The following PTPN22 variants were observed in gnomAD, a reference collection of about 807,000 sequenced individuals.
The protein encoded by PTPN22 is tyrosine-protein phosphatase non-receptor type 22.
A neutral mutation model predicts 103.3 loss-of-function variants in PTPN22; 85 were observed. That is an observed-to-expected ratio of 0.82 (90% CI 0.69 to 0.99). The LOEUF is 0.99. Among genes scored for constraint, PTPN22 ranks in the 50% least tolerant of loss-of-function variants. The pLI is 0.00. For missense variants in PTPN22, 865 were observed against 936.9 expected, an observed-to-expected ratio of 0.92 and a Z score of 1.00; for synonymous variants, 323 against 310.2, an observed-to-expected ratio of 1.04 and a Z score of -0.43.
At chr1:113,863,863 A>G (rs1016316384) in intron 1 of PTPN22, among the ~76,000 whole-genome samples, 4 of 150,302 alleles carry the variant, frequency 2.7e-5, no homozygotes, top group African/African-American at 9.8e-5. Flanking sequence ...AGAACTAGGT[A>G]TCTTCTTTCT....
intron 18 of PTPN22, chr1:113,828,990 C>CT (rs1485117989): frequency 6.6e-6 from 1 of 152,076 alleles, no homozygotes; most frequent in Non-Finnish European, 1.5e-5. Context: ...TAAGGTGACT[C>CT]TCTTTCATTG....
At chr1:113,828,740 A>G (rs1046372459) in intron 18 of PTPN22, among the ~76,000 whole-genome samples, 2 of 152,142 alleles carry the variant, frequency 1.3e-5, no homozygotes, top group African/African-American at 4.8e-5. Flanking sequence ...GGCTCGACCA[A>G]TCCTCCCACC....
At position 113,852,190 on chromosome 1, in the gene PTPN22, A is replaced by C. The variant is rs527482126; in HGVS notation, c.751-86T>G. 3.2e-5 allele frequency: 32 copies of C among 985,010 alleles called. No individual in the cohort carries two copies. The South Asian group carries it at 4.6e-4, about 14-fold the overall frequency. 61.0% of individuals were successfully genotyped at this position (985,010 alleles called of 1,614,324 possible). A position where few individuals can be genotyped will look rare whatever the true frequency, so the allele number is the denominator to read the frequency against. ...TTTCATAGTCTTGTACTTCCATGGC[A>C]TCTGCTCTTCTAACATGGGGTAATA... On this transcript the variant is annotated intron_variant, in intron 9 of 20. Coordinates refer to ENST00000359785, the Ensembl canonical transcript of PTPN22.
At chr1:113,845,283 G>A (rs12748727) in intron 11 of PTPN22, among the ~76,000 whole-genome samples, 32,772 of 149,640 alleles carry the variant, frequency 0.22, 4,476 homozygotes, top group South Asian at 0.39. Context: ...TGCAACCTCC[G>A]CCTACCAGGT....
At chr1:113,848,501 T>C in intron 11 of PTPN22, 39 bp downstream of exon 11, 6 of 1,608,118 alleles carry the variant, frequency 3.7e-6, no homozygotes, top group Non-Finnish European at 4.2e-6. Flanking sequence ...AAAGCAAGTA[T>C]GAAAATTTTT....
chr1:113,851,961 C>A, intron 10 of PTPN22, 66 bp downstream of exon 10: 1 of 1,231,548 alleles, frequency 8.1e-7, no homozygotes, highest in Non-Finnish European at 1.2e-6. Flanking sequence ...TTTTTGGATG[C>A]CTCACCATTA....
At chr1:113,819,587 A>C in exon 20 of PTPN22, 2 of 1,604,630 alleles carry the variant, frequency 1.2e-6, no homozygotes, top group Admixed American at 1.7e-5. Flanking sequence ...CAAAATTCAG[A>C]AATGAGCTGG....
At chr1:113,831,725 T>C (rs1275115608) in intron 16 of PTPN22, among the ~76,000 whole-genome samples, 1 of 152,196 alleles carries the variant, frequency 6.6e-6, no homozygotes, top group African/African-American at 2.4e-5. Context: ...GCGAAACCTT[T>C]CCTAACCACT....
chr1:113,848,615 T>C (rs1664299370), exon 11 of PTPN22: 4 of 1,613,022 alleles, frequency 2.5e-6, no homozygotes, highest in Middle Eastern at 1.6e-4. Flanking sequence ...TGTAGACCAG[T>C]TCATATTGTT....
exon 13 of PTPN22, chr1:113,837,594 T>G: frequency 1.9e-6 from 3 of 1,559,318 alleles, no homozygotes; most frequent in Non-Finnish European, 1.8e-6. Context: ...ACTTACCTAG[T>G]ACAGCTGACT....
chr1:113,819,492 AATC>A (rs1345474671), intron 20 of PTPN22, 82 bp downstream of exon 20: 2 of 1,019,088 alleles, frequency 2.0e-6, no homozygotes, highest in Admixed American at 2.4e-5. Flanking sequence ...TGCAACCTAA[AATC>A]ATATTTAAAG....
At chr1:113,823,307 C>G (rs888528645) in intron 19 of PTPN22, 4 of 152,132 alleles carry the variant, frequency 2.6e-5, no homozygotes, top group African/African-American at 9.7e-5. Flanking sequence ...AAGAAGAATC[C>G]TAATTTCATT....
rs1287665232 is a variant in PTPN22 at position 113,825,249 on chromosome 1, T to A, written c.2251-77A>T. 6.5e-6 allele frequency: 6 copies of A among 922,730 alleles called. No individual in the cohort carries two copies. The East Asian group carries it at 1.7e-4, about 25-fold the overall frequency. The allele number at this position is 922,730 out of a possible 1,614,324, so 57.2% of individuals were successfully genotyped here. On this transcript the variant is annotated intron_variant, in intron 18 of 20. Coordinates refer to ENST00000359785, the Ensembl canonical transcript of PTPN22. ...CTTTAATCAAATAGAAATATAGACT[T>A]AAGTGAAAAGAATTTAATTTCCTTA...
rs764292905 is a variant in PTPN22 at position 113,848,506 on chromosome 1, A to T, written c.915+34T>A. On this transcript the variant is annotated intron_variant, in intron 11 of 20. Transcript: ENST00000359785. Reference sequence around the variant, plus strand: ...CCCTTGACCAAAAGCAAGTATGAAAATTTTTTTGACATAATATCTAGTTTA... The same window carrying T: ...CCCTTGACCAAAAGCAAGTATGAAATTTTTTTTGACATAATATCTAGTTTA... 4.4e-6 allele frequency: 7 copies of T among 1,608,242 alleles called. No homozygotes were observed. In the Admixed American group the frequency reaches 5.1e-5, roughly 12 times the overall value.
intron 14 of PTPN22, 129 bp downstream of exon 14, chr1:113,834,781 G>A (rs1388648053): frequency 4.9e-6 from 4 of 816,412 alleles, no homozygotes; most frequent in Non-Finnish European, 8.1e-6. Context: ...GGCTAGTCTT[G>A]AACTCCTGGC....
intron 11 of PTPN22, among the ~76,000 whole-genome samples, chr1:113,845,708 A>G (rs1664002101): frequency 2.0e-5 from 3 of 152,104 alleles, no homozygotes. Context: ...AGTTCTATCA[A>G]AATTGTTGAA....
intron 17 of PTPN22, 108 bp downstream of exon 17, chr1:113,829,841 T>C (rs750585511): frequency 8.9e-6 from 11 of 1,237,152 alleles, no homozygotes; most frequent in South Asian, 2.6e-5. Context: ...TAAAATGTAT[T>C]CTTTTGTGTA....
chr1:113,825,177 A>T lies in PTPN22; in HGVS notation c.2251-5T>A. 1 of 1,469,098 alleles carries T rather than the reference A, an allele frequency of 6.8e-7. No homozygotes were observed. The highest frequency in any genetic ancestry group is 2.3e-5 in the East Asian group (1 of 43,158). The allele number at this position is 1,469,098 out of a possible 1,614,324, so 91.0% of individuals were successfully genotyped here. A position where few individuals can be genotyped will look rare whatever the true frequency, so the allele number is the denominator to read the frequency against. On this transcript the variant is annotated splice_polypyrimidine_tract_variant and splice_region_variant and intron_variant, in intron 18 of 20. Transcript: ENST00000359785. ...GTTTCGCAAAATTTTCAAACTCTAC[A>T]AAAGAAAGGAAAAATGTTAGTTTTT...
At chr1:113,848,409 T>A in intron 11 of PTPN22, 131 bp downstream of exon 11, 1 of 1,247,010 alleles carries the variant, frequency 8.0e-7, no homozygotes, top group South Asian at 1.3e-5. Context: ...AAATTTTCAG[T>A]GCAGCCCTAT....
Sources: allele counts gnomAD v4.1 joint callset (sites outside exome capture counted in the v4.1 genomes callset), GRCh38; gene constraint gnomAD v4.1.1; transcripts MANE v1.5; gene names NCBI Gene and HGNC (gene_info 2026-07-23, HGNC 2026-07-21).